The following SOX6 variants were observed in gnomAD, a reference collection of about 807,000 sequenced individuals.
The protein encoded by SOX6 is transcription factor SOX-6.
In SOX6, 11 loss-of-function variants were observed where a neutral mutation model predicts 97.8. The ratio of observed to expected loss-of-function variants is 0.11; its 90% CI spans 0.07 to 0.19. The LOEUF (loss-of-function observed/expected upper bound fraction) is 0.19. Among genes scored for constraint, SOX6 ranks in the 10% least tolerant of loss-of-function variants. The probability of loss-of-function intolerance (pLI) is 1.00; values close to 1 mark genes in which losing one functional copy is unlikely to be tolerated. For missense variants in SOX6, 810 were observed against 1,039.5 expected (o/e 0.78, Z 3.04); for synonymous variants, 360 against 371.4 (o/e 0.97, Z 0.35).
At chr11:16,646,484 A>G (rs530957715) in intron 3 of SOX6, among the ~76,000 whole-genome samples, 5 of 123,900 alleles carry the variant, frequency 4.0e-5, no homozygotes, top group African/African-American at 1.5e-4. Flanking sequence ...TTTTTTTTTT[A>G]TTTCCATAGG....
intron 1 of SOX6, among the ~76,000 whole-genome samples, chr11:16,471,982 T>C (rs1052910450): frequency 6.6e-6 from 1 of 152,214 alleles, no homozygotes; most frequent in Admixed American, 6.5e-5. Context: ...TTGTTTGAAG[T>C]GGAACTCCAG....
chr11:16,139,649 C>G (rs906773294), intron 6 of SOX6, among the ~76,000 whole-genome samples: 1 of 151,620 alleles, frequency 6.6e-6, no homozygotes, highest in Non-Finnish European at 1.5e-5. Flanking sequence ...TTTTCCCTTC[C>G]CCAGACCAGA....
chr11:16,500,175 G>C lies in SOX6; in HGVS notation n.610-23787C>G, dbSNP rs1385781093. The stretch of plus-strand genomic sequence containing the variant: ...TTCAACATGCGCAAATCAATAAACG[G>C]AATCCAGCATATAAACAGAACCAAT... On this transcript the variant is annotated intron_variant and non_coding_transcript_variant, in intron 4 of 5. Transcript: ENST00000524520. Among the ~76,000 whole-genome samples the C allele has an allele frequency of 3.3e-5, 5 of 152,092 alleles. No homozygotes were observed. The East Asian group carries it at 9.7e-4, about 30-fold the overall frequency.
intron 1 of SOX6, among the ~76,000 whole-genome samples, chr11:16,466,071 T>C (rs1565154782): frequency 6.6e-6 from 1 of 152,200 alleles, no homozygotes; most frequent in Non-Finnish European, 1.5e-5. Context: ...CTATAAAAGG[T>C]GATGTTTTGG....
chr11:16,475,560 C>T (rs1166014053), intron 1 of SOX6, among the ~76,000 whole-genome samples: 1 of 152,120 alleles, frequency 6.6e-6, no homozygotes, highest in Non-Finnish European at 1.5e-5. Context: ...ACACAATACA[C>T]ACAAGTTTGC....
At chr11:16,538,450 G>T (rs1440927628) in intron 4 of SOX6, among the ~76,000 whole-genome samples, 1 of 152,146 alleles carries the variant, frequency 6.6e-6, no homozygotes, top group East Asian at 1.9e-4. Flanking sequence ...ACATCATAAT[G>T]ACAGGATCAA....
At chr11:16,487,259 T>C (rs1465950128) in intron 4 of SOX6, among the ~76,000 whole-genome samples, 3 of 152,156 alleles carry the variant, frequency 2.0e-5, no homozygotes, top group Non-Finnish European at 4.4e-5. Context: ...AATTAAGTCT[T>C]AGTTATTGCA....
intron 9 of SOX6, among the ~76,000 whole-genome samples, chr11:16,058,578 T>C (rs1349174816): frequency 6.6e-6 from 1 of 152,110 alleles, no homozygotes; most frequent in African/African-American, 2.4e-5. Context: ...TATCAATATC[T>C]ACAGGTCATT....
At chr11:16,202,377 T>C (rs1851964956) in intron 4 of SOX6, among the ~76,000 whole-genome samples, 1 of 152,130 alleles carries the variant, frequency 6.6e-6, no homozygotes, top group South Asian at 2.1e-4. Flanking sequence ...CTTTCCCACA[T>C]TATTTTAAGC....
chr11:16,090,929 A>G (rs984388219), intron 9 of SOX6, among the ~76,000 whole-genome samples: 18 of 152,054 alleles, frequency 1.2e-4, no homozygotes, highest in African/African-American at 4.3e-4. Context: ...AATCTAATAC[A>G]TGCTTTATTA....
At chr11:16,709,347 G>C (rs1195370435) in intron 3 of SOX6, among the ~76,000 whole-genome samples, 1 of 152,040 alleles carries the variant, frequency 6.6e-6, no homozygotes, top group Non-Finnish European at 1.5e-5. Context: ...GCAAAACCCA[G>C]TCTCCACTAA....
At chr11:16,691,609 C>A (rs1242521447) in intron 3 of SOX6, among the ~76,000 whole-genome samples, 2 of 152,076 alleles carry the variant, frequency 1.3e-5, no homozygotes, top group Non-Finnish European at 2.9e-5. Context: ...CCAGCCTGGG[C>A]AACACAGCAA....
At chr11:16,248,040 G>A (rs1471852712) in intron 3 of SOX6, among the ~76,000 whole-genome samples, 5 of 152,096 alleles carry the variant, frequency 3.3e-5, no homozygotes, top group Non-Finnish European at 4.4e-5. Context: ...AAACAAAGGG[G>A]TTACAGGCCC....
At chr11:16,314,301 A>G (rs1180945138) in intron 3 of SOX6, 1 of 151,938 alleles carries the variant, frequency 6.6e-6, no homozygotes, top group Non-Finnish European at 1.5e-5. Flanking sequence ...TTCTCCTCTC[A>G]ATTTCTGTCT....
rs1451899878 is a variant in SOX6, at chr11:16,132,505, A to AAAGAAAGCAAGCAAGCAAGC, written c.778-20583_778-20582insGCTTGCTTGCTTGCTTTCTT. On this transcript the variant is annotated intron_variant, in intron 6 of 15. Coordinates refer to ENST00000683767, the MANE Select transcript of SOX6 (RefSeq NM_001367873.1). The stretch of plus-strand genomic sequence containing the variant: ...GAAAGAAAGAAAGAAAGAAAGAAAG[A>AAAGAAAGCAAGCAAGCAAGC]AAGCTTATCTTTGTATCTAGGAAGA... 6.2e-3 allele frequency among the ~76,000 whole-genome samples: 532 copies of AAAGAAAGCAAGCAAGCAAGC among 86,160 alleles called. 46 individuals are homozygous for AAAGAAAGCAAGCAAGCAAGC. Among genetic ancestry groups the AAAGAAAGCAAGCAAGCAAGC allele is most frequent in the Non-Finnish European group, 0.01 (402 of 38,448 alleles). The allele number at this position is 86,160 out of a possible 152,430, so 56.5% of individuals were successfully genotyped here. A position where few individuals can be genotyped will look rare whatever the true frequency, so the allele number is the denominator to read the frequency against.
At chr11:16,523,358 T>C (rs559927621) in intron 4 of SOX6, among the ~76,000 whole-genome samples, 1,804 of 152,134 alleles carry the variant, frequency 0.012, 34 homozygotes, top group African/African-American at 0.041. Context: ...ACATGGAAAC[T>C]GAACAACCTG....
intron 7 of SOX6, among the ~76,000 whole-genome samples, chr11:16,106,529 C>T (rs956231474): frequency 6.6e-6 from 1 of 151,876 alleles, no homozygotes; most frequent in Non-Finnish European, 1.5e-5. Flanking sequence ...AACTGGACAT[C>T]CATGTGCAAA....
intron 9 of SOX6, among the ~76,000 whole-genome samples, chr11:16,093,828 C>G (rs1261308285): frequency 1.3e-5 from 2 of 151,934 alleles, no homozygotes; most frequent in East Asian, 3.9e-4. Flanking sequence ...AAATATCCCT[C>G]TACCCTCGCT....
intron 10 of SOX6, among the ~76,000 whole-genome samples, chr11:16,053,829 G>C (rs547878969): frequency 2.0e-5 from 3 of 152,034 alleles, no homozygotes; most frequent in Non-Finnish European, 4.4e-5. Flanking sequence ...AAAGAGAAAC[G>C]TGAGAGATTT....
Sources: gnomAD v4.1 joint callset for allele counts (sites outside exome capture counted in the v4.1 genomes callset) on GRCh38, gnomAD v4.1.1 for gene constraint, MANE v1.5 for transcripts, NCBI Gene and HGNC (gene_info 2026-07-23, HGNC 2026-07-21) for gene names.